The following LCMT1 variants were observed in gnomAD, a reference collection of about 807,000 sequenced individuals.
LCMT1 encodes the protein leucine carboxyl methyltransferase 1, also known as [Phosphatase 2A protein]-leucine-carboxy methyltransferase 1.
A neutral mutation model predicts 47.7 loss-of-function variants in LCMT1; 32 were observed. The ratio of observed to expected loss-of-function variants is 0.67; its 90% confidence interval spans 0.51 to 0.90. The LOEUF (loss-of-function observed/expected upper bound fraction) is 0.90, where lower values mean the gene tolerates loss of function less well. Among genes scored for constraint, LCMT1 ranks in the 40% least tolerant of loss-of-function variants. The pLI is 0.00. For synonymous variants in LCMT1, 152 were observed against 149.7 expected (o/e 1.02, Z -0.11); for missense variants, 375 against 415.2 (o/e 0.90, Z 0.84).
chr16:25,151,648 T>G, intron 5 of LCMT1, 33 bp downstream of exon 5: 3 of 1,581,542 alleles, frequency 1.9e-6, no homozygotes, highest in Non-Finnish European at 1.7e-6. Context: ...ATGGACTGTA[T>G]CAGTATTTTT....
Position 25,169,128 on chromosome 16 carries a change from G to A in LCMT1, c.707G>A (p.Arg236Gln), listed in dbSNP as rs200832194. The A allele has an allele frequency of 3.7e-6, 6 of 1,612,846 alleles. No individual in the cohort carries two copies. Among genetic ancestry groups the A allele is most frequent in the African/African-American group, 1.3e-5 (1 of 74,900 alleles). ...INYEQVNMGD[R>Q]FGQIMIENLR... Reference sequence around the variant, plus strand: ...CCCTCCTAGGTGAACATGGGTGATCGGTTTGGGCAGATCATGATTGAAAAC... The same window carrying A: ...CCCTCCTAGGTGAACATGGGTGATCAGTTTGGGCAGATCATGATTGAAAAC... The change falls in exon 8 of 11, where the codon CGG becomes CAG. Residue 236 changes from arginine (R) to glutamine (Q), a missense_variant. By Grantham distance (43) the Arg-to-Gln change is conservative (BLOSUM62 1). Transcript: ENST00000399069.
At chr16:25,133,415 T>TG (rs1387491390) in intron 3 of LCMT1, among the ~76,000 whole-genome samples, 8 of 111,584 alleles carry the variant, frequency 7.2e-5, no homozygotes, top group Non-Finnish European at 1.2e-4. Context: ...TTTTTTTTTT[T>TG]GAGACAGTCT....
chr16:25,131,106 G>C (rs1960338241), intron 2 of LCMT1, among the ~76,000 whole-genome samples: 2 of 152,370 alleles, frequency 1.3e-5, no homozygotes, highest in Non-Finnish European at 2.9e-5. Flanking sequence ...GCCAGATTGA[G>C]AAATTGACCA....
At chr16:25,117,712 G>A (rs1306735405) in intron 1 of LCMT1, among the ~76,000 whole-genome samples, 3 of 152,074 alleles carry the variant, frequency 2.0e-5, no homozygotes, top group Non-Finnish European at 2.9e-5. Flanking sequence ...AATTAGCTGG[G>A]CGTGGTGGTG....
intron 5 of LCMT1, among the ~76,000 whole-genome samples, chr16:25,159,439 T>A (rs995733536): frequency 1.3e-5 from 2 of 152,194 alleles, no homozygotes; most frequent in Non-Finnish European, 2.9e-5. Context: ...GCTAATTTTT[T>A]AAATTTTTTT....
intron 7 of LCMT1, among the ~76,000 whole-genome samples, chr16:25,165,517 C>CTT (rs202030233): frequency 6.9e-6 from 1 of 145,314 alleles, no homozygotes; most frequent in Admixed American, 6.9e-5. Flanking sequence ...CTTTTCTTTT[C>CTT]TTTTTTTTTT....
chr16:25,133,827 A>G (rs1339118860), intron 3 of LCMT1, among the ~76,000 whole-genome samples: 1 of 151,032 alleles, frequency 6.6e-6, no homozygotes, highest in Non-Finnish European at 1.5e-5. Context: ...TGAGGTCAGG[A>G]GTTAGAGACC....
intron 4 of LCMT1, chr16:25,140,914 G>T (rs1016858504): frequency 6.6e-6 from 1 of 152,130 alleles, no homozygotes; most frequent in Non-Finnish European, 1.5e-5. Flanking sequence ...TTCCATTTCT[G>T]TTCTATCTCT....
At chr16:25,151,737 T>G in intron 5 of LCMT1, 122 bp downstream of exon 5, 2 of 438,944 alleles carry the variant, frequency 4.6e-6, no homozygotes, top group Non-Finnish European at 7.7e-6. Flanking sequence ...TTATACAATG[T>G]ATTGTCAACT....
intron 1 of LCMT1, among the ~76,000 whole-genome samples, chr16:25,124,336 T>A (rs749904779): frequency 6.6e-6 from 1 of 152,162 alleles, no homozygotes; most frequent in African/African-American, 2.4e-5. Flanking sequence ...TCAGGTGTTA[T>A]GAGGGAAAAA....
At chr16:25,122,900 C>G (rs978252328) in intron 1 of LCMT1, among the ~76,000 whole-genome samples, 1 of 152,100 alleles carries the variant, frequency 6.6e-6, no homozygotes, top group East Asian at 1.9e-4. Context: ...ATCCTCCTGC[C>G]TCAGTCTCCT....
chr16:25,138,965 G>A (rs1021906690), intron 3 of LCMT1, among the ~76,000 whole-genome samples: 13 of 151,958 alleles, frequency 8.6e-5, no homozygotes, highest in African/African-American at 3.1e-4. Flanking sequence ...CTTTGAGACG[G>A]AGTCTCGCTT....
At chr16:25,156,873 T>G (rs773250136) in intron 5 of LCMT1, among the ~76,000 whole-genome samples, 1 of 152,022 alleles carries the variant, frequency 6.6e-6, no homozygotes, top group Non-Finnish European at 1.5e-5. Flanking sequence ...TGAGTGTCAG[T>G]TGGGTGGTCA....
chr16:25,139,158 C>T (rs1417779886), intron 3 of LCMT1, among the ~76,000 whole-genome samples: 1 of 152,192 alleles, frequency 6.6e-6, no homozygotes, highest in South Asian at 2.1e-4. Flanking sequence ...GATCCGCCTG[C>T]CTCAGCCTCC....
At position 25,176,550 on chromosome 16, in the gene LCMT1, C is replaced by CTTTTT. The variant is rs1170373745; in HGVS notation, c.983-1425_983-1421dup. Reference sequence around the variant, plus strand: ...GGTTTTGGTTTTTGTTTTTTTTTGGCTTTTTTTTTTTTTTTTTTTTTTTTT... The same window carrying CTTTTT: ...GGTTTTGGTTTTTGTTTTTTTTTGGCTTTTTTTTTTTTTTTTTTTTTTTTTTTTTT... On this transcript the variant is annotated intron_variant, in intron 10 of 10. Coordinates refer to ENST00000399069, the MANE Select transcript of LCMT1 (RefSeq NM_016309.3). Among the ~76,000 whole-genome samples the CTTTTT allele has an allele frequency of 5.4e-4, 24 of 44,268 alleles. 2 individuals are homozygous for CTTTTT. Among genetic ancestry groups the CTTTTT allele is most frequent in the East Asian group, 9.7e-4 (1 of 1,026 alleles). The allele number at this position is 44,268 out of a possible 152,430, so 29.0% of individuals were successfully genotyped here.
intron 4 of LCMT1, among the ~76,000 whole-genome samples, chr16:25,149,349 A>G (rs1960996302): frequency 6.6e-6 from 1 of 152,208 alleles, no homozygotes. Context: ...CCCCTGCTGT[A>G]AATCAGTTGT....
intron 2 of LCMT1, among the ~76,000 whole-genome samples, chr16:25,131,903 C>T (rs1241500576): frequency 6.6e-6 from 1 of 152,174 alleles, no homozygotes; most frequent in African/African-American, 2.4e-5. Context: ...TTCTCTGCGA[C>T]CCCCATTTTA....
At chr16:25,172,121 C>G (rs1961793077) in intron 9 of LCMT1, among the ~76,000 whole-genome samples, 1 of 152,090 alleles carries the variant, frequency 6.6e-6, no homozygotes, top group Non-Finnish European at 1.5e-5. Context: ...GCCTGGCCAA[C>G]ATGGTGAAAC....
At chr16:25,120,220 GT>G (rs201550792) in intron 1 of LCMT1, among the ~76,000 whole-genome samples, 1 of 150,294 alleles carries the variant, frequency 6.7e-6, no homozygotes, top group African/African-American at 2.5e-5. Context: ...AATTTTATGG[GT>G]TTTTTTGTTT....
Sources: allele counts gnomAD v4.1 joint callset (sites outside exome capture counted in the v4.1 genomes callset), GRCh38; gene constraint gnomAD v4.1.1; transcripts MANE v1.5; gene names NCBI Gene and HGNC (gene_info 2026-07-23, HGNC 2026-07-21).